The following TOX2 variants were observed in gnomAD, a reference collection of about 807,000 sequenced individuals.
TOX2 encodes granulosa cell HMG box 1.
Under a neutral mutation model 47.4 loss-of-function variants are expected in TOX2, and 15 were observed. That is an observed-to-expected ratio of 0.32 (90% CI 0.21 to 0.49). The LOEUF (loss-of-function observed/expected upper bound fraction) is 0.49. Ranked by LOEUF, TOX2 falls within the 20% of genes least tolerant of loss-of-function variation. TOX2 has a pLI of 0.99. For synonymous variants in TOX2, 290 were observed against 296.6 expected (o/e 0.98, Z 0.23); for missense variants, 622 against 673.1 (o/e 0.92, Z 0.84).
rs184257906 is a variant in TOX2 at position 43,942,604 on chromosome 20, C to T, written c.99+27614C>T. Among the ~76,000 whole-genome samples, 9 of 152,194 alleles carry T rather than the reference C, an allele frequency of 5.9e-5. No homozygotes were observed. The East Asian group carries it at 1.5e-3, about 26-fold the overall frequency. ...GGGAGGCTGAAGCAGGAGGATCTCT[C>T]GAGCCCAGGAATTCAAGGCTGCAGT... On this transcript the variant is annotated intron_variant, in intron 1 of 8. Transcript: ENST00000341197.
intron 3 of TOX2, among the ~76,000 whole-genome samples, chr20:44,041,178 C>T (rs2071326116): frequency 6.6e-6 from 1 of 152,194 alleles, no homozygotes; most frequent in Non-Finnish European, 1.5e-5. Context: ...CCTTTAGCAC[C>T]CCTGTGCCAG....
intron 7 of TOX2, among the ~76,000 whole-genome samples, chr20:44,066,310 C>T (rs146790302): frequency 7.9e-5 from 12 of 152,308 alleles, no homozygotes; most frequent in African/African-American, 1.9e-4. Context: ...GAACAGTTCA[C>T]GAGTTGCCAG....
At chr20:44,022,497 C>G (rs2145655397) in intron 3 of TOX2, among the ~76,000 whole-genome samples, 1 of 152,330 alleles carries the variant, frequency 6.6e-6, no homozygotes, top group Middle Eastern at 3.4e-3. Context: ...GGCTCTGTAT[C>G]CTTTCTGGTT....
Position 44,054,412 on chromosome 20 carries a change from C to T in TOX2, c.765C>T (p.Leu255=). ...AGAAGCCTGTGTCGGCCTACGCACT[C>T]TTCTTCAGAGACACTCAGGCCGCCA... ...EPQKPVSAYA[L]FFRDTQAAIK... is the part of the protein sequence containing the mutation. The change falls in exon 5 of 9, where the codon CTC becomes CTT. Residue 255 remains leucine, a synonymous_variant. Coordinates refer to ENST00000341197, the MANE Select transcript of TOX2 (RefSeq NM_001098797.2). 4 of 1,613,000 alleles carry T rather than the reference C, an allele frequency of 2.5e-6. No individual in the cohort carries two copies. Among genetic ancestry groups the T allele is most frequent in the Non-Finnish European group, 3.4e-6 (4 of 1,179,556 alleles).
At chr20:43,980,228 G>T (rs1453185721) in intron 2 of TOX2, among the ~76,000 whole-genome samples, 1 of 152,180 alleles carries the variant, frequency 6.6e-6, no homozygotes, top group South Asian at 2.1e-4. Context: ...CAACAACATG[G>T]ATGGAACTAG....
At chr20:43,970,411 C>A (rs1302200781) in intron 1 of TOX2, among the ~76,000 whole-genome samples, 2 of 152,174 alleles carry the variant, frequency 1.3e-5, no homozygotes, top group Non-Finnish European at 2.9e-5. Flanking sequence ...CAGATGTTGG[C>A]CCCTGCCTTG....
intron 1 of TOX2, among the ~76,000 whole-genome samples, chr20:43,925,065 A>G (rs778879888): frequency 2.3e-4 from 35 of 152,234 alleles, no homozygotes; most frequent in Non-Finnish European, 4.3e-4. Context: ...TTCTTCTTTT[A>G]TGGATATGTG....
chr20:44,063,101 G>A (rs933013395), intron 5 of TOX2, among the ~76,000 whole-genome samples: 1 of 152,122 alleles, frequency 6.6e-6, no homozygotes, highest in African/African-American at 2.4e-5. Flanking sequence ...TCATGACCAA[G>A]AACCCAAAAG....
At chr20:43,958,305 T>G (rs1233325550) in intron 1 of TOX2, among the ~76,000 whole-genome samples, 1 of 152,242 alleles carries the variant, frequency 6.6e-6, no homozygotes, top group Admixed American at 6.5e-5. Flanking sequence ...GAATATTGCT[T>G]TAAACACGCA....
intron 1 of TOX2, chr20:43,945,776 G>A: frequency 7.8e-7 from 1 of 1,276,868 alleles, no homozygotes; most frequent in Non-Finnish European, 1.1e-6. Flanking sequence ...TTAAATAACA[G>A]GTTTTTCCAT....
chr20:44,003,183 CTT>C (rs376872679), intron 2 of TOX2, among the ~76,000 whole-genome samples: 79 of 133,052 alleles, frequency 5.9e-4, no homozygotes, highest in African/African-American at 5.8e-4. Flanking sequence ...GTACATTCAA[CTT>C]TTTTTTTTTT....
chr20:43,953,404 G>A (rs1357500265), intron 1 of TOX2, among the ~76,000 whole-genome samples: 1 of 152,138 alleles, frequency 6.6e-6, no homozygotes, highest in African/African-American at 2.4e-5. Context: ...CCTTGTACCT[G>A]TCTGTCATCA....
chr20:43,935,096 G>C (rs114822716), intron 1 of TOX2, among the ~76,000 whole-genome samples: 2 of 152,080 alleles, frequency 1.3e-5, no homozygotes, highest in South Asian at 2.1e-4. Flanking sequence ...TGGTGCCTTG[G>C]GGGTGAATGG....
At chr20:43,945,914 T>C in intron 1 of TOX2, 1 of 1,612,880 alleles carries the variant, frequency 6.2e-7, no homozygotes, top group Non-Finnish European at 8.5e-7. Flanking sequence ...CTGCTGATTA[T>C]GCAGCAGACT....
chr20:43,989,906 A>T (rs927367318), intron 2 of TOX2, among the ~76,000 whole-genome samples: 3 of 152,014 alleles, frequency 2.0e-5, no homozygotes, highest in Admixed American at 6.6e-5. Flanking sequence ...GCTCAATGTG[A>T]TACTCAAGGC....
intron 3 of TOX2, among the ~76,000 whole-genome samples, chr20:44,045,942 G>C (rs746361659): frequency 2.6e-5 from 4 of 152,216 alleles, no homozygotes; most frequent in Admixed American, 2.0e-4. Flanking sequence ...AAGGCTTATA[G>C]AAGGTGAGAG....
chr20:43,928,686 C>T (rs2069209056), intron 1 of TOX2, among the ~76,000 whole-genome samples: 3 of 152,240 alleles, frequency 2.0e-5, no homozygotes, highest in South Asian at 4.1e-4. Context: ...CTTGCTTTGC[C>T]TTCCACATGC....
chr20:44,030,690 A>G (rs1489683884), intron 3 of TOX2, among the ~76,000 whole-genome samples: 2 of 151,818 alleles, frequency 1.3e-5, no homozygotes, highest in Non-Finnish European at 2.9e-5. Flanking sequence ...GATGAGCTCC[A>G]CAGGGCAGGG....
chr20:43,982,266 G>A lies in TOX2; in HGVS notation c.165+8834G>A, dbSNP rs145915499. Reference sequence around the variant, plus strand: ...GACTGCGGGTGAGAGGTGGTGGGGAGGTCTGGGGTATTTGCTGTGGGGCAT... The same window carrying A: ...GACTGCGGGTGAGAGGTGGTGGGGAAGTCTGGGGTATTTGCTGTGGGGCAT... On this transcript the variant is annotated intron_variant, in intron 2 of 8. Transcript: ENST00000341197. 1.9e-3 allele frequency among the ~76,000 whole-genome samples: 286 copies of A among 152,296 alleles called. 4 individuals carry two copies. Among genetic ancestry groups the A allele is most frequent in the African/African-American group, 6.5e-3 (272 of 41,542 alleles).
Sources: gnomAD v4.1 joint callset for allele counts (sites outside exome capture counted in the v4.1 genomes callset) on GRCh38, gnomAD v4.1.1 for gene constraint, MANE v1.5 for transcripts, NCBI Gene and HGNC (gene_info 2026-07-23, HGNC 2026-07-21) for gene names.